ANKS1B: variants seen among roughly 807,000 people sequenced by gnomAD.
The protein encoded by ANKS1B is ankyrin repeat and sterile alpha motif domain-containing protein 1B.
Under a neutral mutation model 148.3 loss-of-function variants are expected in ANKS1B, and 36 were observed. The ratio of observed to expected loss-of-function variants is 0.24; its 90% CI spans 0.19 to 0.32. ANKS1B has a LOEUF of 0.32. Ranked by LOEUF, ANKS1B falls within the 10% of genes least tolerant of loss-of-function variation. ANKS1B has a pLI of 1.00. For missense variants in ANKS1B, 1,157 were observed against 1,542.6 expected (o/e 0.75, Z 4.19); for synonymous variants, 542 against 560.8 (o/e 0.97, Z 0.47).
intron 17 of ANKS1B, among the ~76,000 whole-genome samples, chr12:98,876,515 A>G (rs1288038185): frequency 6.6e-6 from 1 of 152,202 alleles, no homozygotes; most frequent in African/African-American, 2.4e-5. Flanking sequence ...GTCCCACGTT[A>G]TGGGCCTTAC....
intron 9 of ANKS1B, among the ~76,000 whole-genome samples, chr12:99,620,663 C>G (rs1292134849): frequency 6.6e-6 from 1 of 151,930 alleles, no homozygotes; most frequent in Non-Finnish European, 1.5e-5. Context: ...AATTTCAGAG[C>G]CTGAAGACTG....
At chr12:99,282,180 T>C (rs79403968) in intron 12 of ANKS1B, among the ~76,000 whole-genome samples, 324 of 152,232 alleles carry the variant, frequency 2.1e-3, no homozygotes, top group African/African-American at 7.0e-3. Context: ...TAGAGAACTG[T>C]AGGAAGTGCA....
At chr12:99,900,188 C>T (rs1253544808) in intron 1 of ANKS1B, among the ~76,000 whole-genome samples, 2 of 151,626 alleles carry the variant, frequency 1.3e-5, no homozygotes, top group African/African-American at 2.4e-5. Flanking sequence ...CATGAGCCAC[C>T]ACTCCTGGCA....
intron 17 of ANKS1B, among the ~76,000 whole-genome samples, chr12:98,943,621 C>G (rs2099840496): frequency 6.6e-6 from 1 of 152,184 alleles, no homozygotes. Flanking sequence ...TACCATCTCT[C>G]TGGTTCCCTC....
chr12:99,311,832 T>C lies in ANKS1B; in HGVS notation c.1757-64968A>G, dbSNP rs561983355. On this transcript the variant is annotated intron_variant, in intron 12 of 26. Coordinates refer to ENST00000683438, the MANE Select transcript of ANKS1B (RefSeq NM_001352186.2). ...GTGGTGCTTTTTATTGTTATATATATTTCATCTTTTTATAGTATTGAGGAG... is the reference window on the plus strand; with the variant it reads ...GTGGTGCTTTTTATTGTTATATATACTTCATCTTTTTATAGTATTGAGGAG... Among the ~76,000 whole-genome samples, 22 of 152,286 alleles carry C rather than the reference T, an allele frequency of 1.4e-4. No individual in the cohort carries two copies. In the South Asian group the frequency reaches 4.3e-3, roughly 30 times the overall value.
At chr12:99,367,338 T>C (rs1017582645) in intron 12 of ANKS1B, among the ~76,000 whole-genome samples, 9 of 152,042 alleles carry the variant, frequency 5.9e-5, no homozygotes, top group Non-Finnish European at 1.0e-4. Context: ...CTAAGAAAAA[T>C]GCAAATGAAT....
intron 17 of ANKS1B, among the ~76,000 whole-genome samples, chr12:98,857,886 C>T (rs879317321): frequency 6.6e-6 from 1 of 152,062 alleles, no homozygotes; most frequent in African/African-American, 2.4e-5. Flanking sequence ...GGGAAAAGTA[C>T]GTTTATTAAC....
intron 12 of ANKS1B, among the ~76,000 whole-genome samples, chr12:99,275,544 A>G (rs543700114): frequency 3.3e-5 from 5 of 152,218 alleles, no homozygotes; most frequent in Non-Finnish European, 5.9e-5. Context: ...ATGGCTTAAT[A>G]GTACTCTATT....
At chr12:98,945,363 T>C (rs1597371917) in intron 17 of ANKS1B, among the ~76,000 whole-genome samples, 1 of 151,598 alleles carries the variant, frequency 6.6e-6, no homozygotes, top group Admixed American at 6.6e-5. Flanking sequence ...GGCGTAGTGG[T>C]GTGCACCTGT....
chr12:99,855,866 G>A (rs2088938097), intron 1 of ANKS1B, among the ~76,000 whole-genome samples: 1 of 152,074 alleles, frequency 6.6e-6, no homozygotes, highest in Non-Finnish European at 1.5e-5. Context: ...TGAACTGAAT[G>A]ATAACAGTGA....
At chr12:99,114,557 GC>G (rs1254914627) in intron 15 of ANKS1B, among the ~76,000 whole-genome samples, 2 of 152,100 alleles carry the variant, frequency 1.3e-5, no homozygotes, top group Non-Finnish European at 2.9e-5. Flanking sequence ...TTTGAGACCA[GC>G]TTGGCCAACA....
intron 1 of ANKS1B, among the ~76,000 whole-genome samples, chr12:99,952,034 A>G (rs1245373573): frequency 2.0e-5 from 3 of 152,230 alleles, no homozygotes; most frequent in African/African-American, 7.2e-5. Context: ...AAAAAAGAAG[A>G]AAAAAGTATC....
intron 9 of ANKS1B, among the ~76,000 whole-genome samples, chr12:99,520,930 G>A (rs1398088244): frequency 2.0e-5 from 3 of 152,002 alleles, no homozygotes; most frequent in African/African-American, 7.3e-5. Context: ...TAAGTAGCTG[G>A]GATTACAGGT....
At chr12:99,466,830 A>AT (rs1431485907) in intron 10 of ANKS1B, among the ~76,000 whole-genome samples, 1 of 151,866 alleles carries the variant, frequency 6.6e-6, no homozygotes, top group Admixed American at 6.5e-5. Context: ...CCAGGACCAG[A>AT]TGGATTCACA....
At chr12:99,976,596 TTTCAG>T (rs942588231) in intron 1 of ANKS1B, among the ~76,000 whole-genome samples, 2 of 152,174 alleles carry the variant, frequency 1.3e-5, no homozygotes, top group African/African-American at 4.8e-5. Context: ...AAGCAGTTTG[TTTCAG>T]TTCAGTTAAC....
At chr12:99,760,944 A>C (rs1567796957) in intron 8 of ANKS1B, among the ~76,000 whole-genome samples, 1 of 151,200 alleles carries the variant, frequency 6.6e-6, no homozygotes, top group Non-Finnish European at 1.5e-5. Flanking sequence ...GAAAATCTAG[A>C]GGAAGTAGAT....
At position 98,929,065 on chromosome 12, in the gene ANKS1B, C is replaced by CACAT. The variant is rs549661749; in HGVS notation, c.2779-96930_2779-96929insATGT. Among the ~76,000 whole-genome samples the CACAT allele has an allele frequency of 8.1e-3, 1,204 of 147,740 alleles. 250 individuals are homozygous for CACAT. The highest frequency in any genetic ancestry group is 0.052 in the East Asian group (257 of 4,986). ...ATACACACACACACACACACACACA[C>CACAT]ACACACAAGTTCAGCGAGGTTTCCT... On this transcript the variant is annotated intron_variant, in intron 17 of 26. Coordinates refer to ENST00000683438, the MANE Select transcript of ANKS1B (RefSeq NM_001352186.2).
At chr12:99,911,226 T>C (rs1187405197) in intron 1 of ANKS1B, among the ~76,000 whole-genome samples, 1 of 152,194 alleles carries the variant, frequency 6.6e-6, no homozygotes, top group East Asian at 1.9e-4. Flanking sequence ...TGAGTCTCAG[T>C]GAGCTAAAAG....
At chr12:99,746,998 T>C (rs993143462) in intron 8 of ANKS1B, among the ~76,000 whole-genome samples, 6 of 152,130 alleles carry the variant, frequency 3.9e-5, no homozygotes, top group Non-Finnish European at 8.8e-5. Context: ...AGTCATGCTA[T>C]ATAATCTATT....
Sources: allele counts gnomAD v4.1 joint callset (sites outside exome capture counted in the v4.1 genomes callset), GRCh38; gene constraint gnomAD v4.1.1; transcripts MANE v1.5; gene names NCBI Gene and HGNC (gene_info 2026-07-23, HGNC 2026-07-21).